OTOGL: variants seen among roughly 807,000 people sequenced by gnomAD.
OTOGL encodes otogelin-like protein.
A neutral mutation model predicts 318.5 loss-of-function variants in OTOGL; 285 were observed. The observed-to-expected ratio is 0.89, with a 90% confidence interval of 0.81 to 0.99. OTOGL has a LOEUF of 0.99. OTOGL is among the 50% of genes least tolerant of loss of function. The pLI is 0.00. For missense variants in OTOGL, 2,899 were observed against 2,845.6 expected, an observed-to-expected ratio of 1.02 and a Z score of -0.43; for synonymous variants, 987 against 936.5, an observed-to-expected ratio of 1.05 and a Z score of -0.99.
rs1882203412 is a variant in OTOGL, at chr12:80,257,922, T to C, written c.1809T>C (p.Tyr603=). ...TTGCTATAGATGGGGAAAGAATTTA[T>C]ATTCAGCTTACTAGCGCATGGAAAA... is the stretch of plus-strand genomic sequence containing the variant. ...ILFAIDGERI[Y]IQLTSAWKRR... Residue 603 remains tyrosine (Y), a synonymous_variant, in exon 18 of 59, where the codon TAT becomes TAC. Coordinates refer to ENST00000547103, the MANE Select transcript of OTOGL (RefSeq NM_001378609.3). 2 of 1,598,314 alleles carry C rather than the reference T, an allele frequency of 1.3e-6. No homozygotes were observed. Among genetic ancestry groups the C allele is most frequent in the Admixed American group, 1.7e-5 (1 of 59,784 alleles).
At chr12:80,345,500 G>C (rs1889139926) in intron 44 of OTOGL, among the ~76,000 whole-genome samples, 1 of 151,810 alleles carries the variant, frequency 6.6e-6, no homozygotes, top group Non-Finnish European at 1.5e-5. Flanking sequence ...GCCTCCCAAA[G>C]TGTTGGGATT....
At chr12:80,335,896 A>T in intron 38 of OTOGL, 67 bp from the exon 39 acceptor site, 1 of 1,366,870 alleles carries the variant, frequency 7.3e-7, no homozygotes, top group Non-Finnish European at 9.7e-7. Flanking sequence ...ATGAATGTGG[A>T]ATTTAAAAAT....
chr12:80,167,806 C>G (rs1444447305), intron 1 of OTOGL, among the ~76,000 whole-genome samples: 1 of 150,498 alleles, frequency 6.6e-6, no homozygotes, highest in African/African-American at 2.5e-5. Flanking sequence ...TGTTTAGCCT[C>G]TTACCACATA....
intron 8 of OTOGL, among the ~76,000 whole-genome samples, chr12:80,231,267 A>T (rs1879334152): frequency 6.6e-6 from 1 of 152,116 alleles, no homozygotes; most frequent in African/African-American, 2.4e-5. Flanking sequence ...AATTCCTCAT[A>T]TTTATAATTT....
At chr12:80,364,195 C>T (rs574580985) in intron 52 of OTOGL, among the ~76,000 whole-genome samples, 1 of 152,284 alleles carries the variant, frequency 6.6e-6, no homozygotes, top group East Asian at 1.9e-4. Flanking sequence ...CATAACCCTT[C>T]ATCCATGATG....
intron 4 of OTOGL, among the ~76,000 whole-genome samples, chr12:80,212,665 C>T (rs1877357909): frequency 6.6e-6 from 1 of 152,134 alleles, no homozygotes; most frequent in African/African-American, 2.4e-5. Context: ...TTAGTAAAGG[C>T]ATTTCTTTGA....
intron 11 of OTOGL, among the ~76,000 whole-genome samples, chr12:80,242,560 C>T (rs1592595051): frequency 1.3e-5 from 2 of 152,082 alleles, no homozygotes; most frequent in East Asian, 3.9e-4. Flanking sequence ...TAGGGGACTG[C>T]ATCACAAGGG....
At chr12:80,315,503 G>A (rs116079435) in intron 32 of OTOGL, among the ~76,000 whole-genome samples, 2 of 152,058 alleles carry the variant, frequency 1.3e-5, no homozygotes, top group Non-Finnish European at 2.9e-5. Flanking sequence ...TGAGGAAGGC[G>A]CAGGCCTCAA....
chr12:80,182,018 G>C (rs916544372), intron 1 of OTOGL, among the ~76,000 whole-genome samples: 1 of 152,016 alleles, frequency 6.6e-6, no homozygotes, highest in Non-Finnish European at 1.5e-5. Flanking sequence ...TAAAAAACAA[G>C]TAGCCAGGTG....
intron 47 of OTOGL, chr12:80,356,206 A>G (rs1370177566): frequency 3.3e-6 from 2 of 610,166 alleles, no homozygotes; most frequent in Non-Finnish European, 5.7e-6. Flanking sequence ...AGGGTGAAAG[A>G]CAATAATAGA....
chr12:80,185,908 T>C (rs1292017749), intron 1 of OTOGL, among the ~76,000 whole-genome samples: 2 of 152,046 alleles, frequency 1.3e-5, no homozygotes, highest in Non-Finnish European at 2.9e-5. Context: ...GATACAAATA[T>C]AAAAATATTA....
chr12:80,221,914 G>A (rs796851384), intron 6 of OTOGL, among the ~76,000 whole-genome samples, 177 bp from the exon 7 acceptor site: 1 of 152,016 alleles, frequency 6.6e-6, no homozygotes, highest in African/African-American at 2.4e-5. Context: ...TTTTTCTTCA[G>A]GGGAGTTTGA....
chr12:80,359,968 G>T (rs2138042905), intron 52 of OTOGL, among the ~76,000 whole-genome samples: 1 of 152,270 alleles, frequency 6.6e-6, no homozygotes, highest in South Asian at 2.1e-4. Flanking sequence ...AAGCTTTTCA[G>T]GGTTCTAACC....
Position 80,219,830 on chromosome 12 carries a change from A to G in OTOGL, c.252A>G (p.Glu84=), listed in dbSNP as rs760316097. ...ESKIKGSCPY[E]CLNGAFCSKT... Reference sequence around the variant, plus strand: ...CCCCCTCAGGTTCTTGTCCTTATGAATGCCTTAATGGAGCTTTCTGTTCTA... The same window carrying G: ...CCCCCTCAGGTTCTTGTCCTTATGAGTGCCTTAATGGAGCTTTCTGTTCTA... The change falls in exon 6 of 59, where the codon GAA becomes GAG. Residue 84 remains glutamate, a synonymous_variant. Coordinates refer to ENST00000547103, the MANE Select transcript of OTOGL (RefSeq NM_001378609.3). The G allele has an allele frequency of 1.9e-6, 3 of 1,586,862 alleles. No individual in the cohort carries two copies. In the South Asian group the frequency reaches 3.3e-5, roughly 18 times the overall value.
Position 80,117,493 on chromosome 12 carries a change from C to A in OTOGL, c.-20+17888C>A, listed in dbSNP as rs116594423. Among the ~76,000 whole-genome samples the A allele has an allele frequency of 3.1e-3, 474 of 152,266 alleles. 3 individuals are homozygous for A. The highest frequency in any genetic ancestry group is 0.011 in the African/African-American group (450 of 41,548). ...CTTGAATCTTCTAACTCATTTCTTTCCCATTACCATCACGTTAACTCAGGC... is the reference window on the plus strand; with the variant it reads ...CTTGAATCTTCTAACTCATTTCTTTACCATTACCATCACGTTAACTCAGGC... On this transcript the variant is annotated intron_variant, in intron 1 of 58. Coordinates refer to ENST00000547103, the MANE Select transcript of OTOGL (RefSeq NM_001378609.3).
intron 4 of OTOGL, among the ~76,000 whole-genome samples, chr12:80,212,754 A>G (rs1372402929): frequency 6.6e-6 from 1 of 152,222 alleles, no homozygotes; most frequent in East Asian, 1.9e-4. Context: ...TGAATTGCAA[A>G]TAGTTTTTAT....
At chr12:80,286,507 C>CT (rs576003003) in intron 26 of OTOGL, among the ~76,000 whole-genome samples, 82 of 152,074 alleles carry the variant, frequency 5.4e-4, no homozygotes, top group African/African-American at 1.8e-3. Context: ...TGGTCCTGGG[C>CT]TTTTTTTGGT....
intron 1 of OTOGL, among the ~76,000 whole-genome samples, chr12:80,175,311 C>G (rs1217864138): frequency 6.6e-6 from 1 of 152,120 alleles, no homozygotes; most frequent in Non-Finnish European, 1.5e-5. Context: ...GTGAAGCTCT[C>G]AGATGAACAC....
At chr12:80,212,895 C>T (rs1877376032) in intron 4 of OTOGL, among the ~76,000 whole-genome samples, 1 of 142,486 alleles carries the variant, frequency 7.0e-6, no homozygotes, top group South Asian at 2.4e-4. Context: ...TTATTCTTAT[C>T]AAGAGTAGAG....
Sources: allele counts gnomAD v4.1 joint callset (sites outside exome capture counted in the v4.1 genomes callset), GRCh38; gene constraint gnomAD v4.1.1; transcripts MANE v1.5; gene names NCBI Gene and HGNC (gene_info 2026-07-23, HGNC 2026-07-21).